Variants in CA6 observed in about 807,000 individuals in gnomAD.
CA6 encodes the protein carbonate dehydratase VI.
CA6 carries 28 observed loss-of-function variants against 35.9 expected under a neutral mutation model. The observed-to-expected ratio is 0.78, with a 90% confidence interval of 0.58 to 1.07. CA6 has a LOEUF of 1.07. CA6 is among the 50% of genes least tolerant of loss of function. The pLI, the probability that CA6 is intolerant of heterozygous loss-of-function variation, is 0.00. For synonymous variants in CA6, 148 were observed against 152.6 expected (o/e 0.97, Z 0.22); for missense variants, 377 against 382.0 (o/e 0.99, Z 0.11).
At chr1:8,955,694 G>A (rs970197234) in intron 2 of CA6, among the ~76,000 whole-genome samples, 3 of 125,630 alleles carry the variant, frequency 2.4e-5, no homozygotes, top group African/African-American at 9.5e-5. Context: ...GATTTTTGAG[G>A]CCAGCTACAT....
intron 6 of CA6, among the ~76,000 whole-genome samples, chr1:8,968,470 T>C (rs1640027833): frequency 6.6e-6 from 1 of 150,548 alleles, no homozygotes; most frequent in African/African-American, 2.5e-5. Context: ...TGAAATTAGC[T>C]CAATTAAGAA....
Position 8,965,713 on chromosome 1 carries a change from C to A in CA6, c.572-1946C>A, listed in dbSNP as rs572617037. Among the ~76,000 whole-genome samples, 573 of 152,098 alleles carry A rather than the reference C, an allele frequency of 3.8e-3. 6 individuals are homozygous for A. Among genetic ancestry groups the A allele is most frequent in the African/African-American group, 0.013 (539 of 41,482 alleles). On this transcript the variant is annotated intron_variant, in intron 5 of 7. Coordinates refer to ENST00000377443, the MANE Select transcript of CA6 (RefSeq NM_001215.4). ...GATCAGCCTGGCCAACATGGTGAAA[C>A]CCCGTCCCTACTAAAAATACAAAAT...
At chr1:8,970,156 C>G (rs578226772) in intron 6 of CA6, among the ~76,000 whole-genome samples, 2 of 140,660 alleles carry the variant, frequency 1.4e-5, no homozygotes, top group African/African-American at 5.4e-5. Flanking sequence ...CAGTGAGCCG[C>G]AATCGCGTCA....
chr1:8,951,646 G>C (rs750750939), intron 2 of CA6: 1 of 765,052 alleles, frequency 1.3e-6, no homozygotes, highest in Non-Finnish European at 2.4e-6. Context: ...CTTCCCAAGG[G>C]GCTTGCAGCG....
At chr1:8,952,007 A>G (rs1639551358) in intron 2 of CA6, 1 of 156,288 alleles carries the variant, frequency 6.4e-6, no homozygotes, top group South Asian at 2.0e-4. Context: ...TTTAGTAGAG[A>G]TGCGGTTTTG....
chr1:8,947,993 T>C lies in CA6; in HGVS notation c.80-1270T>C, dbSNP rs893042749. Among the ~76,000 whole-genome samples the C allele has an allele frequency of 1.2e-4, 18 of 152,026 alleles. 1 individual carries two copies. Among genetic ancestry groups the C allele is most frequent in the African/African-American group, 4.4e-4 (18 of 41,320 alleles). On this transcript the variant is annotated intron_variant, in intron 1 of 7. Coordinates refer to ENST00000377443, the MANE Select transcript of CA6 (RefSeq NM_001215.4). ...TCAAGTAGCTGGGATTAACGGCATG[T>C]GCCACCATGCCCGGCTGATTGTTTT...
chr1:8,968,543 T>C (rs572971095), intron 6 of CA6, among the ~76,000 whole-genome samples: 1 of 152,222 alleles, frequency 6.6e-6, no homozygotes, highest in South Asian at 2.1e-4. Flanking sequence ...GAATCAGACC[T>C]ACAAAGACTT....
rs1639883577 is a variant in CA6 at position 8,963,092 on chromosome 1, AG to A, written c.571+439del. ...TGTTCTTCCGTCCCCTCTCCTCCAG[AG>A]GGCGGCGTTCTTGTAAGAGCCATTT... On this transcript the variant is annotated intron_variant, in intron 5 of 7. Coordinates refer to ENST00000377443, the MANE Select transcript of CA6 (RefSeq NM_001215.4). The surrounding 1 kb of genome is among the most constrained non-coding windows in gnomAD (Gnocchi z 4.1). Among the ~76,000 whole-genome samples, 1 of 152,092 alleles carries A rather than the reference AG, an allele frequency of 6.6e-6. No individual in the cohort carries two copies. Among genetic ancestry groups the A allele is most frequent in the South Asian group, 2.1e-4 (1 of 4,828 alleles).
At chr1:8,974,362 G>A (rs3765964) in intron 7 of CA6, 604,140 of 1,518,728 alleles carry the variant, frequency 0.4, 123,928 homozygotes, top group East Asian at 0.66. Context: ...GGCCACGGGG[G>A]GCATCGTGGG....
At chr1:8,974,357 C>T (rs776922659) in intron 7 of CA6, 56 of 1,519,664 alleles carry the variant, frequency 3.7e-5, no homozygotes, top group Admixed American at 8.7e-5. Context: ...GCAAGGGCCA[C>T]GGGGGGCATC....
intron 2 of CA6, 106 bp from the exon 3 acceptor site, chr1:8,957,031 C>T: frequency 1.9e-6 from 2 of 1,035,094 alleles, no homozygotes. Flanking sequence ...TATTGGCTTG[C>T]CCTGGGCTCA....
intron 7 of CA6, 90 bp downstream of exon 7, chr1:8,971,071 A>T: frequency 1.2e-6 from 1 of 864,962 alleles, no homozygotes; most frequent in East Asian, 2.5e-5. Flanking sequence ...TGGTGATATA[A>T]GGGAAGGAGA....
chr1:8,956,120 G>A (rs918713174), intron 2 of CA6, among the ~76,000 whole-genome samples: 2 of 152,166 alleles, frequency 1.3e-5, no homozygotes, highest in Admixed American at 6.5e-5. Flanking sequence ...CTACTGGGGA[G>A]GCTGAGGCAG....
rs1639631562 is a variant in CA6 at position 8,954,851 on chromosome 1, A to C, written c.260-2286A>C. ...TGGCCTCCTAAATTGCTAGGATTAC[A>C]GGTGTGAGCTGCCGGGCCTGGCCTC... is the stretch of plus-strand genomic sequence containing the variant. On this transcript the variant is annotated intron_variant, in intron 2 of 7. Coordinates refer to ENST00000377443, the MANE Select transcript of CA6 (RefSeq NM_001215.4). Among the ~76,000 whole-genome samples the C allele has an allele frequency of 3.3e-5, 5 of 152,232 alleles. No homozygotes were observed. In the South Asian group the frequency reaches 1.0e-3, roughly 31 times the overall value.
At chr1:8,949,200 G>T (rs1413210419) in intron 1 of CA6, 63 bp from the exon 2 acceptor site, 1 of 1,338,850 alleles carries the variant, frequency 7.5e-7, no homozygotes, top group African/African-American at 1.5e-5. Flanking sequence ...CTCTGGCCTG[G>T]TGAGGTTCCT....
chr1:8,953,277 A>T (rs990932661), intron 2 of CA6, among the ~76,000 whole-genome samples: 1 of 152,090 alleles, frequency 6.6e-6, no homozygotes, highest in African/African-American at 2.4e-5. Flanking sequence ...CACCTATCCA[A>T]AGACATCCGG....
rs954465278 is a variant in CA6, at chr1:8,963,435, T to C, written c.571+779T>C. ...CCCCTCCACAAACTCACCTGGCAAA[T>C]CTCCAGACCAACTCTGGAGTTTTTT... On this transcript the variant is annotated intron_variant, in intron 5 of 7. Coordinates refer to ENST00000377443, the MANE Select transcript of CA6 (RefSeq NM_001215.4). This position sits in a 1 kb window ranked among gnomAD's most constrained non-coding sequence, Gnocchi z 4.1. Among the ~76,000 whole-genome samples, 22 of 152,020 alleles carry C rather than the reference T, an allele frequency of 1.4e-4. No individual in the cohort carries two copies. The highest frequency in any genetic ancestry group is 8.5e-4 in the Admixed American group (13 of 15,248).
intron 1 of CA6, among the ~76,000 whole-genome samples, chr1:8,946,400 T>C (rs1194568227): frequency 6.6e-6 from 1 of 151,990 alleles, no homozygotes; most frequent in Non-Finnish European, 1.5e-5. Flanking sequence ...GGGGGTCTGC[T>C]CATTGTGGCT....
intron 2 of CA6, among the ~76,000 whole-genome samples, chr1:8,953,855 G>T (rs1193352485): frequency 2.6e-5 from 4 of 152,154 alleles, no homozygotes; most frequent in African/African-American, 9.7e-5. Context: ...GAGATAGGAG[G>T]TTGGCACAAG....
Sources: allele counts gnomAD v4.1 joint callset (sites outside exome capture counted in the v4.1 genomes callset), GRCh38; gene constraint gnomAD v4.1.1; non-coding constraint Gnocchi (gnomAD v3.1); transcripts MANE v1.5; gene names NCBI Gene and HGNC (gene_info 2026-07-23, HGNC 2026-07-21).